The following POGLUT2 variants were observed in gnomAD, a reference collection of about 807,000 sequenced individuals.
POGLUT2 encodes protein O-glucosyltransferase 2.
In POGLUT2, 47 loss-of-function variants were observed where a neutral mutation model predicts 57.6. The ratio of observed to expected loss-of-function variants is 0.82; its 90% CI spans 0.65 to 1.04. The LOEUF (loss-of-function observed/expected upper bound fraction) is 1.04. Among genes scored for constraint, POGLUT2 ranks in the 50% least tolerant of loss-of-function variants. POGLUT2 has a pLI of 0.00. For synonymous variants in POGLUT2, 200 were observed against 218.8 expected, an observed-to-expected ratio of 0.91 and a Z score of 0.76; for missense variants, 565 against 614.8, an observed-to-expected ratio of 0.92 and a Z score of 0.86.
intron 6 of POGLUT2, among the ~76,000 whole-genome samples, chr13:102,790,536 C>G (rs1022892312): frequency 2.0e-5 from 3 of 152,180 alleles, no homozygotes; most frequent in African/African-American, 7.2e-5. Context: ...TAGTTTATAT[C>G]TTCCTTATTC....
At chr13:102,789,622 G>C (rs2139087194) in intron 6 of POGLUT2, among the ~76,000 whole-genome samples, 1 of 152,308 alleles carries the variant, frequency 6.6e-6, no homozygotes, top group Middle Eastern at 3.4e-3. Context: ...TTTTGAGACA[G>C]AGTCTTGCTC....
At chr13:102,797,274 T>C (rs1038546411) in intron 1 of POGLUT2, among the ~76,000 whole-genome samples, 1 of 152,248 alleles carries the variant, frequency 6.6e-6, no homozygotes, top group African/African-American at 2.4e-5. Flanking sequence ...TTAATCTATA[T>C]AAGCACAGAA....
chr13:102,787,199 A>G (rs1335398207), intron 8 of POGLUT2, among the ~76,000 whole-genome samples: 1 of 152,000 alleles, frequency 6.6e-6, no homozygotes, highest in Non-Finnish European at 1.5e-5. Flanking sequence ...GGTGTGCACC[A>G]CCACACCCGG....
chr13:102,785,211 C>T (rs1877892033), intron 9 of POGLUT2, among the ~76,000 whole-genome samples: 1 of 152,110 alleles, frequency 6.6e-6, no homozygotes. Flanking sequence ...AGGATGATTC[C>T]AAGCTACCAA....
Position 102,793,374 on chromosome 13 carries a change from G to A in POGLUT2, c.639C>T (p.Phe213=), listed in dbSNP as rs776954029. 11 of 1,587,420 alleles carry A rather than the reference G, an allele frequency of 6.9e-6. No homozygotes were observed. The highest frequency in any genetic ancestry group is 1.7e-5 in the Admixed American group (1 of 59,770). ...THGEHVGFRI[F]MDAILLSLTR... ...TCAAAGAAAGTAGTATGGCATCCAT[G>A]AAAATTCTAAAACCTACATGTTCAC... The change falls in exon 4 of 10, where the codon TTC becomes TTT. Residue 213 remains phenylalanine (F), a synonymous_variant. Coordinates refer to ENST00000376004, the MANE Select transcript of POGLUT2 (RefSeq NM_024089.3).
chr13:102,785,199 T>C lies in POGLUT2; in HGVS notation c.1492-687A>G, dbSNP rs1004738365. Among the ~76,000 whole-genome samples, 5 of 152,298 alleles carry C rather than the reference T, an allele frequency of 3.3e-5. No individual in the cohort carries two copies. The East Asian group carries it at 5.8e-4, about 18-fold the overall frequency. ...GATTGTCATGGTGTAAATACTCCTA[T>C]CAGGATGATTCCAAGCTACCAAAAA... On this transcript the variant is annotated intron_variant, in intron 9 of 9. Transcript: ENST00000376004.
At chr13:102,796,240 A>T (rs1878372051) in intron 2 of POGLUT2, among the ~76,000 whole-genome samples, 1 of 150,632 alleles carries the variant, frequency 6.6e-6, no homozygotes, top group African/African-American at 2.4e-5. Flanking sequence ...GCTTGCAGTG[A>T]GCCAAGACTG....
intron 9 of POGLUT2, among the ~76,000 whole-genome samples, chr13:102,785,455 C>T (rs1309315571): frequency 1.2e-4 from 1 of 8,568 alleles, no homozygotes; most frequent in Non-Finnish European, 8.8e-3. Flanking sequence ...ATATGTTACA[C>T]ACACACACAC....
At chr13:102,786,884 C>T (rs912391634) in intron 8 of POGLUT2, among the ~76,000 whole-genome samples, 10 of 152,052 alleles carry the variant, frequency 6.6e-5, no homozygotes, top group Admixed American at 4.6e-4. Flanking sequence ...GTTACAAAAT[C>T]GGGAGGAGCC....
rs572494620 is a variant in POGLUT2, at chr13:102,788,768, G to A, written c.1293+244C>T. On this transcript the variant is annotated intron_variant, in intron 7 of 9. Coordinates refer to ENST00000376004, the MANE Select transcript of POGLUT2 (RefSeq NM_024089.3). ...TCCAAAGTGCTGGGATTACAGGCAC[G>A]AGCCACCGCACCCAGCCTAGCTTTT... Among the ~76,000 whole-genome samples the A allele has an allele frequency of 2.6e-5, 4 of 152,332 alleles. No homozygotes were observed. The East Asian group carries it at 7.7e-4, about 29-fold the overall frequency.
intron 8 of POGLUT2, among the ~76,000 whole-genome samples, 168 bp from the exon 9 acceptor site, chr13:102,786,507 T>A (rs550079414): frequency 1.3e-5 from 2 of 152,220 alleles, no homozygotes; most frequent in African/African-American, 4.8e-5. Context: ...GTAGAGCATC[T>A]GAGAGGAGGC....
intron 9 of POGLUT2, among the ~76,000 whole-genome samples, chr13:102,785,975 C>A (rs761095812): frequency 6.6e-6 from 1 of 152,156 alleles, no homozygotes; most frequent in South Asian, 2.1e-4. Context: ...AGGGTGTGAG[C>A]TGGATTCTCA....
In POGLUT2 at chr13:102,788,055, G is replaced by A. The variant is rs1269105490; in HGVS notation, c.1294-132C>T. 3.2e-5 allele frequency: 17 copies of A among 526,572 alleles called. No homozygotes were observed. In the Admixed American group the frequency reaches 5.7e-4, roughly 18 times the overall value. 32.6% of individuals were successfully genotyped at this position (526,572 alleles called of 1,614,324 possible). On this transcript the variant is annotated intron_variant, in intron 7 of 9. Transcript: ENST00000376004. ...ATAATATCTTTGGGGGTAGTCTCAT[G>A]GTAAAACAGAACATTTAACAGAGTA... is the stretch of plus-strand genomic sequence containing the variant.
Position 102,798,889 on chromosome 13 carries a change from G to T in POGLUT2, c.-219C>A. On this transcript the variant is annotated 5_prime_UTR_variant, in exon 1 of 10. Coordinates refer to ENST00000376004, the MANE Select transcript of POGLUT2 (RefSeq NM_024089.3). ...CGCGCCCAGGTGAGGGTCCCCTGGC[G>T]TTCTGCTGTCCCGGCCGAGAACCGC... 2.0e-6 allele frequency: 1 copy of T among 488,076 alleles called. No individual in the cohort carries two copies. The highest frequency in any genetic ancestry group is 3.5e-5 in the South Asian group (1 of 28,532). The allele number at this position is 488,076 out of a possible 1,614,324, so 30.2% of individuals were successfully genotyped here.
chr13:102,796,461 T>C (rs1163391414), intron 2 of POGLUT2, among the ~76,000 whole-genome samples: 1 of 151,358 alleles, frequency 6.6e-6, no homozygotes, highest in African/African-American at 2.4e-5. Context: ...ATAACACTTA[T>C]CAGTTACTTA....
chr13:102,793,736 G>A lies in POGLUT2; in HGVS notation c.459C>T (p.Cys153=). Residue 153 remains cysteine, a synonymous_variant, in exon 3 of 10, where the codon TGC becomes TGT. Coordinates refer to ENST00000376004, the MANE Select transcript of POGLUT2 (RefSeq NM_024089.3). ...TCTGAATCTGAGCAATGGTTTCAGG[G>A]CAGTTCATCTCCCGTAGCCAGGCTG... ...DSAAWLREMN[C]PETIAQIQRD... The A allele has an allele frequency of 6.2e-7, 1 of 1,614,108 alleles. No individual in the cohort carries two copies. The highest frequency in any genetic ancestry group is 8.5e-7 in the Non-Finnish European group (1 of 1,179,992).
intron 4 of POGLUT2, chr13:102,791,954 A>C (rs1240744953): frequency 7.9e-7 from 1 of 1,271,134 alleles, no homozygotes; most frequent in South Asian, 1.2e-5. Context: ...GTATTTACAA[A>C]ACAACAGATA....
Position 102,796,806 on chromosome 13 carries a change from T to C in POGLUT2, c.386A>G (p.Lys129Arg), listed in dbSNP as rs1279856376. 1 of 1,547,046 alleles carries C rather than the reference T, an allele frequency of 6.5e-7. No homozygotes were observed. Among genetic ancestry groups the C allele is most frequent in the African/African-American group, 1.4e-5 (1 of 72,520 alleles). ...QHVAKSPYIL[K>R]GPVYHENCDC... ...TATAAAATTATATTCCAAATTACCT[T>C]TTAAAATATATGGGGATTTGGCCAC... Residue 129 changes from lysine (K) to arginine (R), a missense_variant and splice_region_variant, in exon 2 of 10, where the codon AAA becomes AGA. Lys to Arg is a conservative substitution (Grantham distance 26). Transcript: ENST00000376004.
chr13:102,788,921 T>C (rs918346683), intron 7 of POGLUT2, 91 bp downstream of exon 7: 5 of 1,105,586 alleles, frequency 4.5e-6, no homozygotes, highest in Non-Finnish European at 6.9e-6. Flanking sequence ...TACGTGAACA[T>C]CCTGGATGCT....
Sources: gnomAD v4.1 joint callset for allele counts (sites outside exome capture counted in the v4.1 genomes callset) on GRCh38, gnomAD v4.1.1 for gene constraint, MANE v1.5 for transcripts, NCBI Gene and HGNC (gene_info 2026-07-23, HGNC 2026-07-21) for gene names.